MRPS28: variants seen among roughly 807,000 people sequenced by gnomAD.
MRPS28 encodes the protein small ribosomal subunit protein bS1m.
A neutral mutation model predicts 10.8 loss-of-function variants in MRPS28; 7 were observed. That is an observed-to-expected ratio of 0.65 (90% confidence interval 0.37 to 1.22). The LOEUF (loss-of-function observed/expected upper bound fraction) is 1.22. MRPS28 is among the 50% of genes most tolerant of loss of function. The pLI is 0.02. For missense variants in MRPS28, 265 were observed against 232.9 expected, an observed-to-expected ratio of 1.14 and a Z score of -0.90; for synonymous variants, 121 against 93.3, an observed-to-expected ratio of 1.30 and a Z score of -1.71.
At chr8:80,000,658 C>T (rs945486150) in intron 2 of MRPS28, among the ~76,000 whole-genome samples, 2 of 152,116 alleles carry the variant, frequency 1.3e-5, no homozygotes, top group African/African-American at 4.8e-5. Context: ...TAAAGCTATA[C>T]TACACATAAA....
At chr8:80,022,374 T>C (rs929835473) in intron 1 of MRPS28, among the ~76,000 whole-genome samples, 2 of 152,254 alleles carry the variant, frequency 1.3e-5, no homozygotes, top group African/African-American at 4.8e-5. Context: ...TTTCAGTTTT[T>C]GGCTATTACA....
chr8:80,028,831 AGTG>A (rs1475606193), intron 1 of MRPS28: 2 of 154,084 alleles, frequency 1.3e-5, no homozygotes, highest in Non-Finnish European at 2.9e-5. Flanking sequence ...ATTAGCCCAG[AGTG>A]GTGGTGCACA....
chr8:79,967,550 T>TTGTGAGCAAGAAATGGCATAGGTG (rs1807532567), intron 2 of MRPS28, among the ~76,000 whole-genome samples: 2 of 152,120 alleles, frequency 1.3e-5, no homozygotes, highest in African/African-American at 4.8e-5. Flanking sequence ...AAAGGTTTTG[T>TTGTGAGCAAGAAATGGCATAGGTG]TGTGAGCAAG....
At chr8:80,007,930 T>G (rs1563541206) in intron 1 of MRPS28, among the ~76,000 whole-genome samples, 1 of 152,202 alleles carries the variant, frequency 6.6e-6, no homozygotes, top group African/African-American at 2.4e-5. Flanking sequence ...TACTTTCAAG[T>G]TCATATGGAA....
chr8:80,030,244 G>T lies in MRPS28; in HGVS notation c.5C>A (p.Ala2Glu), dbSNP rs373906735. 2.5e-6 allele frequency: 4 copies of T among 1,614,048 alleles called. No individual in the cohort carries two copies. The East Asian group carries it at 6.7e-5, about 27-fold the overall frequency. Residue 2 changes from alanine (A) to glutamate (E), a missense_variant, in exon 1 of 3, where the codon GCG becomes GAG. By Grantham distance (107) the Ala-to-Glu change is moderately radical. Coordinates refer to ENST00000276585, the MANE Select transcript of MRPS28 (RefSeq NM_014018.3). M[A>E]ALCRTRAVAA... ...CACAGCACGGGTCCGACACAGCGCC[G>T]CCATGACTTCTTTACCTCTGACCTT... is the stretch of plus-strand genomic sequence containing the variant.
intron 1 of MRPS28, among the ~76,000 whole-genome samples, chr8:80,024,229 GAA>G (rs796573322): frequency 7.2e-6 from 1 of 139,334 alleles, no homozygotes; most frequent in African/African-American, 2.6e-5. Context: ...ACCCTGTCTG[GAA>G]AAAAAAAAAA....
intron 2 of MRPS28, among the ~76,000 whole-genome samples, chr8:79,928,597 A>G (rs1806367429): frequency 6.6e-6 from 1 of 151,658 alleles, no homozygotes; most frequent in South Asian, 2.1e-4. Flanking sequence ...GTGCTACCAC[A>G]CCTGGCTAAT....
At chr8:79,950,696 C>CT (rs757726545) in intron 2 of MRPS28, among the ~76,000 whole-genome samples, 2 of 152,150 alleles carry the variant, frequency 1.3e-5, no homozygotes, top group African/African-American at 4.8e-5. Context: ...TGAAGTAAAA[C>CT]TTTGAGTTTC....
intron 2 of MRPS28, among the ~76,000 whole-genome samples, chr8:79,961,691 T>C (rs1409340162): frequency 6.6e-6 from 1 of 152,146 alleles, no homozygotes; most frequent in Non-Finnish European, 1.5e-5. Flanking sequence ...AAGAGCCACG[T>C]TCTTTCCCAA....
chr8:79,933,195 A>G (rs958797552), intron 2 of MRPS28, among the ~76,000 whole-genome samples: 5 of 152,214 alleles, frequency 3.3e-5, no homozygotes, highest in South Asian at 2.1e-4. Flanking sequence ...TTGTTTTCTC[A>G]CAGTTATGGA....
At chr8:79,987,445 G>C (rs973384822) in intron 2 of MRPS28, among the ~76,000 whole-genome samples, 1 of 152,046 alleles carries the variant, frequency 6.6e-6, no homozygotes, top group African/African-American at 2.4e-5. Flanking sequence ...TTAAACTAAA[G>C]AGCTTCTGCA....
At chr8:79,924,915 C>G (rs2129862431) in intron 2 of MRPS28, among the ~76,000 whole-genome samples, 1 of 152,274 alleles carries the variant, frequency 6.6e-6, no homozygotes, top group Admixed American at 6.5e-5. Context: ...TAACCTCTAA[C>G]TTATTTCTAG....
At chr8:79,923,315 T>C (rs950425883) in intron 2 of MRPS28, among the ~76,000 whole-genome samples, 5 of 152,186 alleles carry the variant, frequency 3.3e-5, no homozygotes, top group African/African-American at 9.7e-5. Context: ...AAGTTTTCAA[T>C]TACCTATGAC....
At chr8:79,970,773 TA>T (rs1472792786) in intron 2 of MRPS28, among the ~76,000 whole-genome samples, 1 of 152,196 alleles carries the variant, frequency 6.6e-6, no homozygotes. Flanking sequence ...CTCAAAGAGA[TA>T]AAATGTTATA....
chr8:79,979,637 C>T (rs1189262628), intron 2 of MRPS28, among the ~76,000 whole-genome samples: 1 of 152,052 alleles, frequency 6.6e-6, no homozygotes, highest in Non-Finnish European at 1.5e-5. Flanking sequence ...AATCCTCCTG[C>T]CTCAGCCTCC....
intron 2 of MRPS28, among the ~76,000 whole-genome samples, chr8:79,921,245 T>C (rs1810085110): frequency 6.6e-6 from 1 of 152,108 alleles, no homozygotes; most frequent in Non-Finnish European, 1.5e-5. Flanking sequence ...CTTTGTTCTT[T>C]TGGCTTAGGA....
intron 2 of MRPS28, among the ~76,000 whole-genome samples, chr8:79,988,874 C>G (rs911661448): frequency 5.3e-5 from 8 of 152,168 alleles, no homozygotes; most frequent in Non-Finnish European, 1.2e-4. Context: ...CCAAAAACTA[C>G]TGTATCTGCT....
chr8:79,958,042 A>G (rs1489166895), intron 2 of MRPS28: 2 of 203,230 alleles, frequency 9.8e-6, no homozygotes, highest in Non-Finnish European at 9.7e-6. Flanking sequence ...AAATCTACCC[A>G]AAGTGTATAA....
rs555146807 is a variant in MRPS28 at position 79,922,030 on chromosome 8, A to T, written c.396-2882T>A. Among the ~76,000 whole-genome samples, 4 of 152,306 alleles carry T rather than the reference A, an allele frequency of 2.6e-5. No homozygotes were observed. The South Asian group carries it at 8.3e-4, about 32-fold the overall frequency. ...TTTGTCAAAGACCTTTTCTGCATCT[A>T]TTGAGATAATCGTGGTTTTTGTCGT... On this transcript the variant is annotated intron_variant, in intron 2 of 2. Transcript: ENST00000276585.
Sources: gnomAD v4.1 joint callset for allele counts (sites outside exome capture counted in the v4.1 genomes callset) on GRCh38, gnomAD v4.1.1 for gene constraint, MANE v1.5 for transcripts, NCBI Gene and HGNC (gene_info 2026-07-23, HGNC 2026-07-21) for gene names.